Variants in TSC2 observed in about 807,000 individuals in gnomAD.
TSC2 encodes TSC complex subunit 2.
Under a neutral mutation model 202.2 loss-of-function variants are expected in TSC2, and 29 were observed. The observed-to-expected ratio is 0.14, with a 90% CI of 0.11 to 0.20. The LOEUF is 0.20. Among genes scored for constraint, TSC2 ranks in the 10% least tolerant of loss-of-function variants. The pLI is 1.00. For missense variants in TSC2, 2,429 were observed against 2,420.0 expected, an observed-to-expected ratio of 1.00 and a Z score of -0.08; for synonymous variants, 1,349 against 1,044.0, an observed-to-expected ratio of 1.29 and a Z score of -5.63.
At chr16:2,049,417 T>C (rs1305304018) in intron 2 of TSC2, among the ~76,000 whole-genome samples, 1 of 152,148 alleles carries the variant, frequency 6.6e-6, no homozygotes, top group Non-Finnish European at 1.5e-5. Context: ...TGTTTGTGTC[T>C]TTGTCACACA....
intron 32 of TSC2, 89 bp from the exon 33 acceptor site, chr16:2,083,606 G>C: frequency 6.5e-7 from 1 of 1,542,250 alleles, no homozygotes; most frequent in Non-Finnish European, 8.7e-7. Flanking sequence ...CTGTCCCTCT[G>C]GTCAGGAGAA....
intron 10 of TSC2, among the ~76,000 whole-genome samples, chr16:2,059,456 C>T (rs1446151433): frequency 3.4e-5 from 5 of 147,780 alleles, no homozygotes; most frequent in Non-Finnish European, 4.4e-5. Context: ...CATTCTGCCT[C>T]AGCCTCCTGA....
chr16:2,055,287 A>G (rs2085632141), intron 5 of TSC2, 115 bp from the exon 6 acceptor site: 1 of 846,660 alleles, frequency 1.2e-6, no homozygotes, highest in Admixed American at 1.7e-5. Context: ...CGGGGGACTG[A>G]TGATGGGGTT....
intron 2 of TSC2, among the ~76,000 whole-genome samples, chr16:2,049,081 GTTCT>G (rs1471028418): frequency 1.3e-5 from 2 of 151,158 alleles, no homozygotes; most frequent in Admixed American, 6.6e-5. Context: ...GGAGAAGTAG[GTTCT>G]TTATTTTATT....
At chr16:2,048,216 G>A in intron 1 of TSC2, 151 bp downstream of exon 1, 1 of 1,505,040 alleles carries the variant, frequency 6.6e-7, no homozygotes, top group Admixed American at 2.0e-5. Flanking sequence ...TTAAGTCATG[G>A]CGGGTGCGAA....
At chr16:2,088,352 G>C (rs774805848) in intron 41 of TSC2, 27 bp downstream of exon 41, 4 of 1,612,416 alleles carry the variant, frequency 2.5e-6, no homozygotes, top group Non-Finnish European at 3.4e-6. Context: ...TCCCTCAGCG[G>C]GGTGTGCTGG....
chr16:2,064,217 C>G (rs1207771584), intron 14 of TSC2, 55 bp from the exon 15 acceptor site: 2 of 1,613,056 alleles, frequency 1.2e-6, no homozygotes, highest in Non-Finnish European at 8.5e-7. Flanking sequence ...GGAAGTGTCA[C>G]GAGATGTGGC....
chr16:2,065,268 C>A, intron 15 of TSC2: 1 of 461,992 alleles, frequency 2.2e-6, no homozygotes. Context: ...AAAAAATTAG[C>A]TGGGCGTGGT....
chr16:2,054,983 T>C (rs550619344), intron 5 of TSC2: 2 of 343,670 alleles, frequency 5.8e-6, no homozygotes, highest in South Asian at 5.1e-5. Flanking sequence ...GCCGGCCAGG[T>C]GCCTACCGTC....
At chr16:2,053,934 A>G in intron 4 of TSC2, 6 of 440,290 alleles carry the variant, frequency 1.4e-5, no homozygotes, top group Non-Finnish European at 2.6e-5. Context: ...CCACTCTCAC[A>G]GGCTCTCCTG....
intron 38 of TSC2, 124 bp from the exon 39 acceptor site, chr16:2,087,738 GA>G: frequency 3.3e-6 from 4 of 1,229,568 alleles, no homozygotes; most frequent in East Asian, 2.5e-5. Flanking sequence ...TGCCAGAGGG[GA>G]AAGTTCAGGG....
chr16:2,085,409 C>T, intron 36 of TSC2, 87 bp downstream of exon 36: 1 of 1,401,318 alleles, frequency 7.1e-7, no homozygotes, highest in South Asian at 1.2e-5. Flanking sequence ...CCCCCAACGC[C>T]CCACAGAGCT....
chr16:2,065,436 A>AT, intron 15 of TSC2, 83 bp from the exon 16 acceptor site: 29 of 726,002 alleles, frequency 4.0e-5, no homozygotes, highest in Non-Finnish European at 6.3e-5. Flanking sequence ...AAAAAAAAAA[A>AT]GGTGTTTGTG....
In TSC2 at chr16:2,060,769, G is replaced by A. The variant is rs2086534058; in HGVS notation, c.1075G>A (p.Asp359Asn). The A allele has an allele frequency of 6.2e-7, 1 of 1,613,840 alleles. No homozygotes were observed. The highest frequency in any genetic ancestry group is 1.3e-5 in the African/African-American group (1 of 74,926). Residue 359 changes from aspartate to asparagine, a missense_variant, in exon 11 of 42, where the codon GAC (aspartate) becomes AAC (asparagine). Coordinates refer to ENST00000219476, the MANE Select transcript of TSC2 (RefSeq NM_000548.5). ...GAAGGAGCTCCAGGTGGTGGCGTGG[G>A]ACATTCTGCTGAACATCATCGAACG... is the stretch of plus-strand genomic sequence containing the variant. ...YRKELQVVAW[D>N]ILLNIIERLL...
chr16:2,053,649 C>T (rs587778007), intron 4 of TSC2, 197 bp downstream of exon 4: 19 of 687,634 alleles, frequency 2.8e-5, no homozygotes, highest in Non-Finnish European at 4.5e-5. Flanking sequence ...ACTGCCTCCT[C>T]GCCTGTAAAC....
At chr16:2,056,604 C>G (rs1400599011) in intron 7 of TSC2, 40 bp from the exon 8 acceptor site, 6 of 1,602,734 alleles carry the variant, frequency 3.7e-6, no homozygotes, top group Non-Finnish European at 5.1e-6. Flanking sequence ...TGGGGAGGAG[C>G]TGGGGTAGGA....
intron 16 of TSC2, among the ~76,000 whole-genome samples, chr16:2,069,860 A>G (rs2087990020): frequency 1.3e-5 from 2 of 150,050 alleles, no homozygotes; most frequent in East Asian, 2.0e-4. Context: ...TGATCCACCC[A>G]CTTCAGCCTC....
intron 31 of TSC2, 89 bp downstream of exon 31, chr16:2,081,887 G>A: frequency 1.3e-6 from 2 of 1,526,710 alleles, no homozygotes; most frequent in South Asian, 2.4e-5. Context: ...TCTGCTGAGG[G>A]CGCCCACACG....
At position 2,072,383 on chromosome 16, in the gene TSC2, G is replaced by T. The variant is rs747764105; in HGVS notation, c.2220+20G>T. 6 of 1,613,100 alleles carry T rather than the reference G, an allele frequency of 3.7e-6. No individual in the cohort carries two copies. The highest frequency in any genetic ancestry group is 4.2e-6 in the Non-Finnish European group (5 of 1,179,464). ...TCCATGGTACCATGGCCGGCCTGGG[G>T]TTGGGGTGGGGGACCCAGTAGGGTT... On this transcript the variant is annotated intron_variant, in intron 20 of 41. Coordinates refer to ENST00000219476, the MANE Select transcript of TSC2 (RefSeq NM_000548.5).
Sources: allele counts gnomAD v4.1 joint callset (sites outside exome capture counted in the v4.1 genomes callset), GRCh38; gene constraint gnomAD v4.1.1; transcripts MANE v1.5; gene names NCBI Gene and HGNC (gene_info 2026-07-23, HGNC 2026-07-21).